Variants in ARHGEF33 observed in about 807,000 individuals in gnomAD.
ARHGEF33 encodes the protein DH and coiled-coil domain-containing protein ENSP00000381780.
Under a neutral mutation model 101.9 loss-of-function variants are expected in ARHGEF33, and 72 were observed. That is an observed-to-expected ratio of 0.71 (90% confidence interval 0.58 to 0.86). The LOEUF is 0.86. Ranked by LOEUF, ARHGEF33 falls within the 40% of genes least tolerant of loss-of-function variation. The pLI, the probability that ARHGEF33 is intolerant of heterozygous loss-of-function variation, is 0.00. For missense variants in ARHGEF33, 1,169 were observed against 1,111.3 expected, an observed-to-expected ratio of 1.05 and a Z score of -0.74; for synonymous variants, 499 against 442.5, an observed-to-expected ratio of 1.13 and a Z score of -1.60.
Position 38,948,288 on chromosome 2 carries a change from A to T in ARHGEF33, c.921-2701A>T, listed in dbSNP as rs564635693. On this transcript the variant is annotated intron_variant, in intron 10 of 17. Coordinates refer to ENST00000409978, the MANE Select transcript of ARHGEF33 (RefSeq NM_001145451.5). ...AATAATACCCTTGTTAAATTTTTTT[A>T]AAAGGTTTAAAGCCCGTTTTCAATG... Among the ~76,000 whole-genome samples, 171 of 152,324 alleles carry T rather than the reference A, an allele frequency of 1.1e-3. 2 individuals carry two copies. The highest frequency in any genetic ancestry group is 7.9e-3 in the South Asian group (38 of 4,826).
intron 10 of ARHGEF33, among the ~76,000 whole-genome samples, chr2:38,946,727 G>A (rs1572767105): frequency 2.6e-5 from 4 of 152,154 alleles, no homozygotes; most frequent in Admixed American, 2.6e-4. Flanking sequence ...CCGGGTTCAA[G>A]TGATTCTCCT....
In ARHGEF33 at chr2:38,897,059, G is replaced by A. The variant is rs144816197; in HGVS notation, c.-86+1210G>A. 6.1e-3 allele frequency among the ~76,000 whole-genome samples: 927 copies of A among 152,180 alleles called. 12 individuals carry two copies. The highest frequency in any genetic ancestry group is 0.021 in the African/African-American group (870 of 41,506). On this transcript the variant is annotated intron_variant, in intron 2 of 17. Coordinates refer to ENST00000409978, the MANE Select transcript of ARHGEF33 (RefSeq NM_001145451.5). ...GCGTCCCGAGTAGCTGGGACTATAG[G>A]TGCACACCACCGCACCCAGCTAATT...
intron 9 of ARHGEF33, among the ~76,000 whole-genome samples, chr2:38,940,655 A>G (rs934979643): frequency 2.6e-5 from 4 of 152,042 alleles, no homozygotes; most frequent in Non-Finnish European, 5.9e-5. Context: ...AGTAGTTTCC[A>G]CATATGTAAT....
chr2:38,948,095 GA>G (rs111954137), intron 10 of ARHGEF33, among the ~76,000 whole-genome samples: 85 of 144,126 alleles, frequency 5.9e-4, no homozygotes, highest in Non-Finnish European at 4.1e-4. Context: ...TAAGGAATAG[GA>G]AAAAAAAAAA....
chr2:38,930,966 CA>C, intron 6 of ARHGEF33, 142 bp from the exon 7 acceptor site: 1 of 568,926 alleles, frequency 1.8e-6, no homozygotes, highest in East Asian at 3.1e-5. Flanking sequence ...AGTATTTGAC[CA>C]CTTTTAATTT....
chr2:38,932,968 G>A (rs943425004), intron 7 of ARHGEF33, among the ~76,000 whole-genome samples: 2 of 152,202 alleles, frequency 1.3e-5, no homozygotes, highest in African/African-American at 2.4e-5. Flanking sequence ...GGCAGCTTGT[G>A]TTAAAACTCA....
chr2:38,918,530 A>G (rs1302193062), intron 2 of ARHGEF33, among the ~76,000 whole-genome samples: 1 of 152,202 alleles, frequency 6.6e-6, no homozygotes, highest in East Asian at 1.9e-4. Flanking sequence ...GAGGGCCAGT[A>G]TCCACAACAC....
chr2:38,895,055 C>T (rs772258304), intron 1 of ARHGEF33, among the ~76,000 whole-genome samples: 4 of 152,148 alleles, frequency 2.6e-5, no homozygotes, highest in Non-Finnish European at 5.9e-5. Context: ...CAAAAGGTGA[C>T]CAAGTAAGGC....
chr2:38,948,813 T>C (rs1327147181), intron 10 of ARHGEF33, among the ~76,000 whole-genome samples: 1 of 152,164 alleles, frequency 6.6e-6, no homozygotes, highest in Non-Finnish European at 1.5e-5. Flanking sequence ...TTTTACACTT[T>C]CAGTACAATC....
chr2:38,929,986 T>C (rs1403335158), intron 6 of ARHGEF33, among the ~76,000 whole-genome samples, 156 bp downstream of exon 6: 1 of 152,222 alleles, frequency 6.6e-6, no homozygotes, highest in Non-Finnish European at 1.5e-5. Flanking sequence ...ATAAAATTGG[T>C]TAATACCAAA....
Position 38,973,756 on chromosome 2 carries a change from C to G in ARHGEF33, c.2526C>G (p.Pro842=), listed in dbSNP as rs1468993185. Residue 842 remains proline (P), a synonymous_variant, in exon 18 of 18, where the codon CCC becomes CCG. Transcript: ENST00000409978. ...ACAGGGAAAAAACTAATGAGAATCC[C>G]TCAATGGATCCTTCACCCACCAAAC... ...SEYREKTNEN[P]SMDPSPTKQD... is the part of the protein sequence containing the mutation. The G allele has an allele frequency of 6.5e-7, 1 of 1,547,074 alleles. No homozygotes were observed. Among genetic ancestry groups the G allele is most frequent in the Non-Finnish European group, 8.7e-7 (1 of 1,145,278 alleles).
rs1382612986 is a variant in ARHGEF33 at position 38,960,503 on chromosome 2, G to A, written c.2198G>A (p.Gly733Asp). The A allele has an allele frequency of 5.9e-6, 8 of 1,348,948 alleles. No individual in the cohort carries two copies. The highest frequency in any genetic ancestry group is 7.6e-6 in the Non-Finnish European group (8 of 1,050,212). The allele number at this position is 1,348,948 out of a possible 1,614,324, so 83.6% of individuals were successfully genotyped here. ...CTCTACAGCACGCGCAGCAGCAGCGGCGGCCGCGCGCCCATCAAGGCCGAG... is the reference window on the plus strand; with the variant it reads ...CTCTACAGCACGCGCAGCAGCAGCGACGGCCGCGCGCCCATCAAGGCCGAG... ...PRLYSTRSSS[G>D]GRAPIKAERA... Residue 733 changes from glycine (G) to aspartate (D), a missense_variant, in exon 16 of 18, where the codon GGC becomes GAC. Gly to Asp is a moderately conservative substitution (Grantham distance 94). Transcript: ENST00000409978.
intron 15 of ARHGEF33, 182 bp from the exon 16 acceptor site, chr2:38,959,659 C>A: frequency 1.5e-6 from 1 of 646,758 alleles, no homozygotes; most frequent in Non-Finnish European, 2.6e-6. Context: ...CGACGGACTG[C>A]CTTGTCCACT....
chr2:38,897,880 C>T (rs879856000), intron 2 of ARHGEF33, among the ~76,000 whole-genome samples: 1 of 152,034 alleles, frequency 6.6e-6, no homozygotes, highest in African/African-American at 2.4e-5. Flanking sequence ...AGGGAACAGC[C>T]CCAGAGGCTA....
intron 4 of ARHGEF33, 69 bp from the exon 5 acceptor site, chr2:38,928,838 T>C: frequency 7.2e-7 from 1 of 1,391,756 alleles, no homozygotes; most frequent in Non-Finnish European, 9.6e-7. Flanking sequence ...AAAAGAAAAA[T>C]TCAAGGTCCA....
At chr2:38,932,935 A>G (rs868685645) in intron 7 of ARHGEF33, among the ~76,000 whole-genome samples, 13 of 152,232 alleles carry the variant, frequency 8.5e-5, no homozygotes, top group African/African-American at 2.9e-4. Flanking sequence ...GTGCCATGAT[A>G]AGACATTCTG....
intron 9 of ARHGEF33, among the ~76,000 whole-genome samples, chr2:38,943,456 C>A (rs1667363766): frequency 6.6e-6 from 1 of 152,182 alleles, no homozygotes; most frequent in African/African-American, 2.4e-5. Flanking sequence ...TGTCTAAAGT[C>A]TTTAGCCCAG....
In ARHGEF33 at chr2:38,937,461, A is replaced by C. The variant is rs1468557663; in HGVS notation, c.692A>C (p.Glu231Ala). ...CCTAAGGATGGTAAAGAATGGGGTGAAGAATACGTCACAAAAGACCACCCA... is the reference window on the plus strand; with the variant it reads ...CCTAAGGATGGTAAAGAATGGGGTGCAGAATACGTCACAAAAGACCACCCA... ...RQPKDGKEWG[E>A]EYVTKDHPDK... Residue 231 changes from glutamate (E) to alanine (A), a missense_variant, in exon 9 of 18, where the codon GAA becomes GCA. By Grantham distance (107) the Glu-to-Ala change is moderately radical. Coordinates refer to ENST00000409978, the MANE Select transcript of ARHGEF33 (RefSeq NM_001145451.5). 1.3e-6 allele frequency: 2 copies of C among 1,550,608 alleles called. No individual in the cohort carries two copies. The highest frequency in any genetic ancestry group is 3.9e-5 in the Admixed American group (2 of 50,944).
chr2:38,932,564 C>T, intron 7 of ARHGEF33, among the ~76,000 whole-genome samples: 1 of 152,172 alleles, frequency 6.6e-6, no homozygotes, highest in Middle Eastern at 3.2e-3. Flanking sequence ...TCCTCTAAGA[C>T]ATGAACAGCT....
Sources: gnomAD v4.1 joint callset for allele counts (sites outside exome capture counted in the v4.1 genomes callset) on GRCh38, gnomAD v4.1.1 for gene constraint, MANE v1.5 for transcripts, NCBI Gene and HGNC (gene_info 2026-07-23, HGNC 2026-07-21) for gene names.